CBARP: variants seen among roughly 807,000 people sequenced by gnomAD.
CBARP encodes voltage-dependent calcium channel beta subunit-associated regulatory protein.
A neutral mutation model predicts 36.3 loss-of-function variants in CBARP; 24 were observed. The observed-to-expected ratio is 0.66, with a 90% CI of 0.48 to 0.93. CBARP has a LOEUF of 0.93. Ranked by LOEUF, CBARP falls within the 40% of genes least tolerant of loss-of-function variation. The probability of loss-of-function intolerance (pLI) is 0.00; values close to 1 mark genes in which losing one functional copy is unlikely to be tolerated. For synonymous variants in CBARP, 586 were observed against 453.2 expected (o/e 1.29, Z -3.72); for missense variants, 1,146 against 980.4 (o/e 1.17, Z -2.26).
At chr19:1,237,353 C>T (rs1384723373) in intron 1 of CBARP, among the ~76,000 whole-genome samples, 1 of 151,946 alleles carries the variant, frequency 6.6e-6, no homozygotes, top group Admixed American at 6.5e-5. Context: ...AGGATGGTGA[C>T]CGGAGGCCGG....
Position 1,233,469 on chromosome 19 carries a change from C to T in CBARP, c.936G>A (p.Trp312Ter). 1.2e-6 allele frequency: 2 copies of T among 1,603,100 alleles called. No individual in the cohort carries two copies. Among genetic ancestry groups the T allele is most frequent in the Non-Finnish European group, 1.7e-6 (2 of 1,175,494 alleles). Reference sequence around the variant, plus strand: ...CTGCCCGCTGGCTGGGCTCCAGCTTCCACTTCTTGACCTTGAAATAGGGGC... The same window carrying T: ...CTGCCCGCTGGCTGGGCTCCAGCTTTCACTTCTTGACCTTGAAATAGGGGC... ...GASPYFKVKK[W>*]KLEPSQRAAS... The change falls in exon 8 of 10, where the codon TGG (tryptophan) becomes TGA (stop). Residue 312 changes from tryptophan (W) to a stop codon, truncating the protein, a stop_gained. Coordinates refer to ENST00000650044, the MANE Select transcript of CBARP (RefSeq NM_001393918.1). LOFTEE classifies it high-confidence loss of function.
At chr19:1,234,910 C>T (rs1255516723) in intron 5 of CBARP, 91 bp downstream of exon 5, 72 of 1,517,306 alleles carry the variant, frequency 4.7e-5, no homozygotes, top group Non-Finnish European at 6.0e-5. Context: ...CTGCCTTGGT[C>T]CCTGCAGCCT....
chr19:1,234,141 A>G, intron 7 of CBARP, 50 bp downstream of exon 7: 2 of 1,438,474 alleles, frequency 1.4e-6, no homozygotes, highest in South Asian at 1.5e-5. Flanking sequence ...AGGGAGGGGA[A>G]GGAGCCTCCC....
rs751788915 is a variant in CBARP at position 1,233,472 on chromosome 19, C to T, written c.933G>A (p.Lys311=). The change falls in exon 8 of 10, where the codon AAG becomes AAA. Residue 311 remains lysine, a synonymous_variant. Transcript: ENST00000650044. ...CCCGCTGGCTGGGCTCCAGCTTCCA[C>T]TTCTTGACCTTGAAATAGGGGCTGG... ...DGASPYFKVK[K]WKLEPSQRAA... is the part of the protein sequence containing the mutation. 1.7e-5 allele frequency: 28 copies of T among 1,603,674 alleles called. No homozygotes were observed. The highest frequency in any genetic ancestry group is 2.2e-5 in the Non-Finnish European group (26 of 1,175,862).
intron 1 of CBARP, among the ~76,000 whole-genome samples, chr19:1,237,241 A>G (rs892219205): frequency 3.9e-5 from 6 of 152,192 alleles, no homozygotes; most frequent in African/African-American, 1.4e-4. Context: ...TGGTGTCCTC[A>G]GCGCTCCCGG....
Position 1,228,453 on chromosome 19 carries a change from C to T in CBARP, c.*726G>A, listed in dbSNP as rs1015300409. 4.7e-6 allele frequency: 1 copy of T among 214,984 alleles called. No homozygotes were observed. Among genetic ancestry groups the T allele is most frequent in the Non-Finnish European group, 9.4e-6 (1 of 106,322 alleles). The allele number at this position is 214,984 out of a possible 1,614,324, so 13.3% of individuals were successfully genotyped here. A position where few individuals can be genotyped will look rare whatever the true frequency, so the allele number is the denominator to read the frequency against. ...TGGACCTGGCCGTCTGGGTTTTGTT[C>T]GCGTCTCAACGTGGATGGGGCGGCA... On this transcript the variant is annotated 3_prime_UTR_variant, in exon 10 of 10. Transcript: ENST00000650044.
At chr19:1,235,753 GC>G (rs1258980326) in intron 3 of CBARP, 25 bp downstream of exon 3, 1 of 1,606,042 alleles carries the variant, frequency 6.2e-7, no homozygotes, top group Non-Finnish European at 8.5e-7. Flanking sequence ...CCATGCACCT[GC>G]CCAGCCGAGG....
intron 9 of CBARP, chr19:1,230,678 G>A (rs36074840): frequency 0.26 from 326,909 of 1,275,240 alleles, 43,822 homozygotes; most frequent in East Asian, 0.43. Context: ...GGGCTTCAGG[G>A]AAGTTGCCCT....
chr19:1,234,964 C>T, intron 5 of CBARP, 37 bp downstream of exon 5: 1 of 1,578,640 alleles, frequency 6.3e-7, no homozygotes, highest in South Asian at 1.1e-5. Context: ...GGACCTCAGA[C>T]AGGCCCTGGG....
intron 4 of CBARP, 99 bp downstream of exon 4, chr19:1,235,402 G>A: frequency 4.6e-6 from 6 of 1,299,660 alleles, no homozygotes; most frequent in Middle Eastern, 2.1e-4. Flanking sequence ...TGGTGGGGGA[G>A]ACAGACAGAC....
rs774799579 is a variant in CBARP, at chr19:1,234,272, G to T, written c.687C>A (p.Asp229Glu). 14 of 1,459,068 alleles carry T rather than the reference G, an allele frequency of 9.6e-6. No homozygotes were observed. In the African/African-American group the frequency reaches 1.4e-4, roughly 15 times the overall value. 90.4% of individuals were successfully genotyped at this position (1,459,068 alleles called of 1,614,324 possible). A position where few individuals can be genotyped will look rare whatever the true frequency, so the allele number is the denominator to read the frequency against. ...TGGCGCCCGCGGCTGAGTTGTAGGG[G>T]TCACCTGGCAGGGCGGAGCTGGGGC... The part of the protein sequence containing the change: ...SVGPSSALPG[D>E]PYNSAAGATD... Residue 229 changes from aspartate (D) to glutamate (E), a missense_variant, in exon 7 of 10, where the codon GAC becomes GAA. Asp to Glu is a conservative substitution (Grantham distance 45). Transcript: ENST00000650044.
At chr19:1,235,442 C>T (rs977475349) in intron 4 of CBARP, 59 bp downstream of exon 4, 19 of 1,491,476 alleles carry the variant, frequency 1.3e-5, no homozygotes, top group Middle Eastern at 1.8e-4. Context: ...GAGGGGGCGG[C>T]GGGTGGCCGA....
At position 1,234,237 on chromosome 19, in the gene CBARP, G is replaced by A; in HGVS notation, c.722C>T (p.Ala241Val). The change falls in exon 7 of 10, where the codon GCA becomes GTA. Residue 241 changes from alanine to valine, a missense_variant. Transcript: ENST00000650044. ...YNSAAGATDF[A>V]EISPSASSDS... Reference sequence around the variant, plus strand: ...GCTAGATGCCGAGGGGCTGATCTCTGCGAAGTCAGTGGCGCCCGCGGCTGA... The same window carrying A: ...GCTAGATGCCGAGGGGCTGATCTCTACGAAGTCAGTGGCGCCCGCGGCTGA... 1 of 1,504,374 alleles carries A rather than the reference G, an allele frequency of 6.6e-7. No homozygotes were observed. Among genetic ancestry groups the A allele is most frequent in the Non-Finnish European group, 8.9e-7 (1 of 1,129,008 alleles). The allele number at this position is 1,504,374 out of a possible 1,614,324, so 93.2% of individuals were successfully genotyped here.
intron 8 of CBARP, among the ~76,000 whole-genome samples, chr19:1,231,844 A>G (rs974582097): frequency 6.6e-6 from 1 of 151,984 alleles, no homozygotes; most frequent in African/African-American, 2.4e-5. Flanking sequence ...GAGCCTGAGC[A>G]GGGCAGGGCC....
chr19:1,232,310 TG>T (rs759181545), intron 8 of CBARP, among the ~76,000 whole-genome samples: 3 of 151,820 alleles, frequency 2.0e-5, no homozygotes, highest in African/African-American at 4.8e-5. Context: ...ACCTTGGGGG[TG>T]GGGGCTGGGA....
chr19:1,233,622 G>A lies in CBARP; in HGVS notation c.783C>T (p.Thr261=). Residue 261 remains threonine (T), a synonymous_variant, in exon 8 of 10, where the codon ACC becomes ACT. Coordinates refer to ENST00000650044, the MANE Select transcript of CBARP (RefSeq NM_001393918.1). ...SGEGTSLDAG[T]RSTKAGGPGA... is the part of the protein sequence containing the mutation. ...CGGGCCCTCCAGCCTTGGTGCTCCT[G>A]GTACCGGCATCCAACTGGCAGGGAA... The A allele has an allele frequency of 6.2e-7, 1 of 1,608,752 alleles. No individual in the cohort carries two copies.
intron 1 of CBARP, 95 bp from the exon 2 acceptor site, chr19:1,236,216 C>G: frequency 7.5e-7 from 1 of 1,331,324 alleles, no homozygotes; most frequent in Non-Finnish European, 9.6e-7. Flanking sequence ...GAGCAGGAGC[C>G]CACACAGGGG....
Position 1,229,508 on chromosome 19 carries a change from C to T in CBARP, c.1789G>A (p.Ala597Thr). Residue 597 changes from alanine (A) to threonine (T), a missense_variant, in exon 10 of 10, where the codon GCC (alanine) becomes ACC (threonine). Transcript: ENST00000650044. This position sits in a 1 kb window ranked among gnomAD's most constrained non-coding sequence, Gnocchi z 5.1. ...HSDPGARAAP[A>T]LAGTPAPPAG... Reference sequence around the variant, plus strand: ...GGCGGTGCCGGGGTTCCGGCCAGGGCCGGGGCCGCGCGGGCGCCGGGGTCG... The same window carrying T: ...GGCGGTGCCGGGGTTCCGGCCAGGGTCGGGGCCGCGCGGGCGCCGGGGTCG... 10 of 979,220 alleles carry T rather than the reference C, an allele frequency of 1.0e-5. No homozygotes were observed. Among genetic ancestry groups the T allele is most frequent in the Non-Finnish European group, 1.2e-5 (10 of 827,782 alleles). 60.7% of individuals were successfully genotyped at this position (979,220 alleles called of 1,614,324 possible). A position where few individuals can be genotyped will look rare whatever the true frequency, so the allele number is the denominator to read the frequency against.
intron 8 of CBARP, among the ~76,000 whole-genome samples, chr19:1,231,664 C>T (rs1599943104): frequency 6.7e-6 from 1 of 149,948 alleles, no homozygotes; most frequent in Non-Finnish European, 1.5e-5. Context: ...CACACACACA[C>T]AACGCGTGTG....
Sources: allele counts gnomAD v4.1 joint callset (sites outside exome capture counted in the v4.1 genomes callset), GRCh38; gene constraint gnomAD v4.1.1; non-coding constraint Gnocchi (gnomAD v3.1); transcripts MANE v1.5; gene names NCBI Gene and HGNC (gene_info 2026-07-23, HGNC 2026-07-21).